The following ANKRD30B variants were observed in gnomAD, a reference collection of about 807,000 sequenced individuals.
The protein encoded by ANKRD30B is ankyrin repeat domain-containing protein 30B.
Under a neutral mutation model 202.2 loss-of-function variants are expected in ANKRD30B, and 144 were observed. The observed-to-expected ratio is 0.71, with a 90% confidence interval of 0.62 to 0.82. ANKRD30B has a LOEUF of 0.82. Ranked by LOEUF, ANKRD30B falls within the 40% of genes least tolerant of loss-of-function variation. The pLI is 0.00. For missense variants in ANKRD30B, 1,487 were observed against 1,669.1 expected, an observed-to-expected ratio of 0.89 and a Z score of 1.90; for synonymous variants, 508 against 561.3, an observed-to-expected ratio of 0.91 and a Z score of 1.34.
At chr18:14,791,326 T>C in intron 15 of ANKRD30B, 75 bp from the exon 16 acceptor site, 1 of 1,253,062 alleles carries the variant, frequency 8.0e-7, no homozygotes, top group Non-Finnish European at 1.1e-6. Flanking sequence ...AAAAAGATTC[T>C]AGTTAGAAAA....
At chr18:14,863,779 G>T in the ANKRD30B span, among the ~76,000 whole-genome samples, 1 of 149,014 alleles carries the variant, frequency 6.7e-6, no homozygotes, top group Non-Finnish European at 1.5e-5. Flanking sequence ...GTATCATCCT[G>T]ACACTAAAAT....
chr18:14,916,022 C>T, the ANKRD30B span, among the ~76,000 whole-genome samples: 1 of 152,194 alleles, frequency 6.6e-6, no homozygotes, highest in African/African-American at 2.4e-5. Flanking sequence ...TATTAGAAAT[C>T]TAAGCATCTG....
At chr18:14,820,374 C>T (rs1291237055) in intron 30 of ANKRD30B, among the ~76,000 whole-genome samples, 1 of 152,176 alleles carries the variant, frequency 6.6e-6, no homozygotes, top group Non-Finnish European at 1.5e-5. Context: ...TGCCTCATTG[C>T]CCTGGCCAGA....
rs188634722 is a variant in ANKRD30B, at chr18:14,766,310, A to G, written c.1225+2220A>G. Among the ~76,000 whole-genome samples, 528 of 151,806 alleles carry G rather than the reference A, an allele frequency of 3.5e-3. 1 individual carries two copies. The highest frequency in any genetic ancestry group is 0.017 in the Middle Eastern group (5 of 292). On this transcript the variant is annotated intron_variant, in intron 7 of 43. Coordinates refer to ENST00000690538, the MANE Select transcript of ANKRD30B (RefSeq NM_001367607.2). ...ACACGGGTGAAACCCCGTCTCTACT[A>G]AAAATACAAAAAATTAGCTGGGCGT...
the ANKRD30B span, among the ~76,000 whole-genome samples, chr18:14,873,308 G>A: frequency 2.6e-5 from 4 of 152,110 alleles, no homozygotes; most frequent in Admixed American, 1.3e-4. Context: ...GGTGGATCAC[G>A]AGGTCAGAAT....
chr18:14,769,159 A>C (rs1411117462), intron 7 of ANKRD30B, among the ~76,000 whole-genome samples, 184 bp from the exon 8 acceptor site: 4 of 152,168 alleles, frequency 2.6e-5, no homozygotes, highest in Non-Finnish European at 5.9e-5. Context: ...AATTAAGTTG[A>C]AGTCTCGCAA....
At chr18:14,815,560 G>A (rs1328307513) in intron 30 of ANKRD30B, among the ~76,000 whole-genome samples, 1 of 152,130 alleles carries the variant, frequency 6.6e-6, no homozygotes, top group African/African-American at 2.4e-5. Context: ...AAATGTGGAA[G>A]AAGAGTAATT....
the ANKRD30B span, among the ~76,000 whole-genome samples, chr18:14,869,409 T>G: frequency 2.0e-5 from 3 of 151,584 alleles, no homozygotes; most frequent in African/African-American, 7.3e-5. Flanking sequence ...TATGAAATAA[T>G]TCTGAAAAAT....
chr18:14,902,637 C>A, the ANKRD30B span, among the ~76,000 whole-genome samples: 1 of 152,134 alleles, frequency 6.6e-6, no homozygotes, highest in African/African-American at 2.4e-5. Context: ...TAAACGTCCA[C>A]TCTCAACCTC....
chr18:14,773,945 G>A (rs952392820), intron 9 of ANKRD30B, among the ~76,000 whole-genome samples: 3 of 151,800 alleles, frequency 2.0e-5, no homozygotes, highest in East Asian at 1.9e-4. Flanking sequence ...GAGCCCCCGC[G>A]CCCATCCAAA....
the ANKRD30B span, among the ~76,000 whole-genome samples, chr18:14,903,322 A>T: frequency 6.6e-6 from 1 of 152,230 alleles, no homozygotes; most frequent in African/African-American, 2.4e-5. Context: ...CCATATTCCA[A>T]TGGGGCCCAG....
chr18:14,878,411 T>C, the ANKRD30B span, among the ~76,000 whole-genome samples: 3 of 152,246 alleles, frequency 2.0e-5, no homozygotes, highest in African/African-American at 7.2e-5. Context: ...CTATTATTAA[T>C]AAGGAGCTTA....
chr18:14,828,174 C>T (rs1418056515), intron 32 of ANKRD30B, 104 bp from the exon 33 acceptor site: 2 of 825,480 alleles, frequency 2.4e-6, no homozygotes, highest in African/African-American at 1.8e-5. Flanking sequence ...TCCCAAGTAG[C>T]TGGGATTACA....
At chr18:14,911,185 AT>A in the ANKRD30B span, among the ~76,000 whole-genome samples, 7 of 150,412 alleles carry the variant, frequency 4.7e-5, no homozygotes, top group East Asian at 5.8e-4. Context: ...TTAGTCATAC[AT>A]TTTTTTTTGC....
intron 39 of ANKRD30B, among the ~76,000 whole-genome samples, chr18:14,847,021 A>T (rs1971665389): frequency 7.1e-6 from 1 of 140,766 alleles, no homozygotes; most frequent in Admixed American, 7.6e-5. Flanking sequence ...CTTCCTTCAG[A>T]CTAGTTTAGT....
the ANKRD30B span, among the ~76,000 whole-genome samples, chr18:14,918,162 T>C: frequency 6.6e-6 from 1 of 152,128 alleles, no homozygotes; most frequent in African/African-American, 2.4e-5. Flanking sequence ...TTACTTTAGT[T>C]CCCTTCCCCA....
intron 33 of ANKRD30B, among the ~76,000 whole-genome samples, 181 bp from the exon 34 acceptor site, chr18:14,831,202 G>GAAAAAAAAAAAAAAAAAAAAAAA (rs1434127361): frequency 1.3e-5 from 1 of 76,930 alleles, no homozygotes; most frequent in African/African-American, 5.4e-5. Context: ...AAAAAAAAAC[G>GAAAAAAAAAAAAAAAAAAAAAAA]AAAACCAGAT....
At chr18:14,916,392 TGAG>T in the ANKRD30B span, among the ~76,000 whole-genome samples, 1 of 152,212 alleles carries the variant, frequency 6.6e-6, no homozygotes, top group East Asian at 1.9e-4. Context: ...TACTGAGCCT[TGAG>T]GAGGATACCA....
chr18:14,796,552 G>A (rs1359409363), intron 18 of ANKRD30B, 137 bp downstream of exon 18: 14 of 1,166,220 alleles, frequency 1.2e-5, no homozygotes, highest in Middle Eastern at 3.0e-4. Flanking sequence ...GCCAATGTTA[G>A]CATTTATGTT....
Sources: gnomAD v4.1 joint callset for allele counts (sites outside exome capture counted in the v4.1 genomes callset) on GRCh38, gnomAD v4.1.1 for gene constraint, MANE v1.5 for transcripts, NCBI Gene and HGNC (gene_info 2026-07-23, HGNC 2026-07-21) for gene names.